RBMS1: variants seen among roughly 807,000 people sequenced by gnomAD.
RBMS1 encodes RNA-binding motif, single-stranded-interacting protein 1.
Under a neutral mutation model 62.3 loss-of-function variants are expected in RBMS1, and 17 were observed. That is an observed-to-expected ratio of 0.27 (90% CI 0.19 to 0.41). The LOEUF is 0.41. Ranked by LOEUF, RBMS1 falls within the 10% of genes least tolerant of loss-of-function variation. The pLI is 1.00. For missense variants in RBMS1, 334 were observed against 504.5 expected (o/e 0.66, Z 3.24); for synonymous variants, 172 against 170.0 (o/e 1.01, Z -0.09).
At chr2:160,444,210 T>C (rs1256140305) in intron 1 of RBMS1, among the ~76,000 whole-genome samples, 2 of 152,146 alleles carry the variant, frequency 1.3e-5, no homozygotes, top group African/African-American at 4.8e-5. Flanking sequence ...ATAAAATACA[T>C]TGTATAAAAT....
At chr2:160,346,225 T>C (rs1255890188) in intron 2 of RBMS1, among the ~76,000 whole-genome samples, 1 of 152,122 alleles carries the variant, frequency 6.6e-6, no homozygotes, top group Admixed American at 6.6e-5. Flanking sequence ...ACCGTAGGAA[T>C]GTACTCTTTA....
At chr2:160,313,504 G>T (rs113633451) in intron 3 of RBMS1, among the ~76,000 whole-genome samples, 1 of 151,650 alleles carries the variant, frequency 6.6e-6, no homozygotes, top group African/African-American at 2.4e-5. Flanking sequence ...GATCTTACGT[G>T]TCTTGTATTT....
chr2:160,306,065 G>T (rs566379833), intron 4 of RBMS1, among the ~76,000 whole-genome samples: 8 of 152,064 alleles, frequency 5.3e-5, no homozygotes, highest in Admixed American at 2.6e-4. Context: ...GGAGTTCAAG[G>T]TTGTAATGAG....
At chr2:160,308,967 G>C (rs1307985181) in intron 4 of RBMS1, among the ~76,000 whole-genome samples, 1 of 152,090 alleles carries the variant, frequency 6.6e-6, no homozygotes, top group Admixed American at 6.5e-5. Flanking sequence ...AAGTGTTCAG[G>C]GGCCACTCTA....
In RBMS1 at chr2:160,450,579, AC is replaced by A. The variant is rs774400249; in HGVS notation, c.75+42709del. On this transcript the variant is annotated intron_variant, in intron 1 of 13. Coordinates refer to ENST00000348849, the MANE Select transcript of RBMS1 (RefSeq NM_016836.4). ...AATAAAAAATGAAAAAAAAAAAAAA[AC>A]AAAAAACATTAACCCAGTTTGTAAT... Among the ~76,000 whole-genome samples the A allele has an allele frequency of 4.0e-3, 584 of 146,908 alleles. 19 individuals are homozygous for A. The highest frequency in any genetic ancestry group is 5.0e-3 in the African/African-American group (194 of 38,644).
At chr2:160,447,544 C>A (rs1683706904) in intron 1 of RBMS1, among the ~76,000 whole-genome samples, 2 of 152,346 alleles carry the variant, frequency 1.3e-5, no homozygotes, top group Admixed American at 6.5e-5. Flanking sequence ...AAAAGCACTG[C>A]TCCACTGGGT....
chr2:160,471,716 T>TATATATATATATATATATATATATATAG (rs371634389), intron 1 of RBMS1, among the ~76,000 whole-genome samples: 2 of 76,234 alleles, frequency 2.6e-5, no homozygotes, highest in Non-Finnish European at 5.4e-5. Context: ...TATATATATA[T>TATATATATATATATATATATATATATAG]AACCTTTCAT....
intron 2 of RBMS1, among the ~76,000 whole-genome samples, chr2:160,336,007 T>C (rs1411602439): frequency 1.3e-5 from 2 of 152,206 alleles, no homozygotes; most frequent in African/African-American, 2.4e-5. Flanking sequence ...CATTTTCTCC[T>C]GTTATTTTAC....
At chr2:160,280,035 G>A (rs1688024086) in intron 10 of RBMS1, among the ~76,000 whole-genome samples, 1 of 152,172 alleles carries the variant, frequency 6.6e-6, no homozygotes, top group African/African-American at 2.4e-5. Flanking sequence ...CAAAAAGCAA[G>A]TGGTAACACG....
intron 6 of RBMS1, among the ~76,000 whole-genome samples, chr2:160,292,323 A>C (rs1688724305): frequency 1.3e-5 from 2 of 152,360 alleles, no homozygotes; most frequent in East Asian, 3.9e-4. Context: ...TGTTATAGTT[A>C]ACATAATAAG....
chr2:160,364,321 TC>T (rs1397601606), intron 2 of RBMS1, among the ~76,000 whole-genome samples: 2 of 152,230 alleles, frequency 1.3e-5, no homozygotes, highest in East Asian at 3.8e-4. Flanking sequence ...CAGTCAAGGT[TC>T]CAAGATTCCT....
chr2:160,324,878 GTGTGTATATATATATATATA>G (rs1269284473), intron 2 of RBMS1, among the ~76,000 whole-genome samples: 12 of 75,406 alleles, frequency 1.6e-4, no homozygotes, highest in Admixed American at 8.6e-4. Flanking sequence ...GTGTGTGTGT[GTGTGTATATATATATATATA>G]TATATATATA....
At chr2:160,446,482 C>A (rs2105310637) in intron 1 of RBMS1, among the ~76,000 whole-genome samples, 2 of 152,326 alleles carry the variant, frequency 1.3e-5, no homozygotes, top group South Asian at 4.1e-4. Flanking sequence ...TCCTTTCTGA[C>A]ACTTGAAGGT....
intron 7 of RBMS1, among the ~76,000 whole-genome samples, 176 bp from the exon 8 acceptor site, chr2:160,285,220 C>T (rs1265726124): frequency 6.6e-6 from 1 of 151,908 alleles, no homozygotes; most frequent in Non-Finnish European, 1.5e-5. Flanking sequence ...GATTACATCA[C>T]TGCACTCCAG....
chr2:160,408,091 G>A (rs1388460447), intron 1 of RBMS1, among the ~76,000 whole-genome samples: 2 of 150,986 alleles, frequency 1.3e-5, no homozygotes, highest in East Asian at 2.0e-4. Flanking sequence ...AGCAGCCGGC[G>A]CCCCCGCTCT....
At chr2:160,345,351 C>T (rs1692117104) in intron 2 of RBMS1, among the ~76,000 whole-genome samples, 1 of 152,052 alleles carries the variant, frequency 6.6e-6, no homozygotes, top group East Asian at 1.9e-4. Context: ...GGAAGTTAAG[C>T]CTATACGGGG....
chr2:160,481,568 A>G (rs776644759), intron 1 of RBMS1, among the ~76,000 whole-genome samples: 2 of 152,192 alleles, frequency 1.3e-5, no homozygotes, highest in Non-Finnish European at 2.9e-5. Flanking sequence ...GATTGTATCC[A>G]AAATATATTT....
At chr2:160,463,204 G>C (rs1485141383) in intron 1 of RBMS1, among the ~76,000 whole-genome samples, 1 of 152,154 alleles carries the variant, frequency 6.6e-6, no homozygotes, top group East Asian at 1.9e-4. Flanking sequence ...ATGATAACCT[G>C]TTCTAGAAAA....
At chr2:160,451,861 C>T (rs1206403683) in intron 1 of RBMS1, among the ~76,000 whole-genome samples, 3 of 152,270 alleles carry the variant, frequency 2.0e-5, no homozygotes, top group Non-Finnish European at 2.9e-5. Context: ...CTACCCTCCT[C>T]GGCCTCCTAA....
Sources: allele counts gnomAD v4.1 joint callset (sites outside exome capture counted in the v4.1 genomes callset), GRCh38; gene constraint gnomAD v4.1.1; transcripts MANE v1.5; gene names NCBI Gene and HGNC (gene_info 2026-07-23, HGNC 2026-07-21).